COMMD10: variants seen among roughly 807,000 people sequenced by gnomAD.
The protein encoded by COMMD10 is COMM domain-containing protein 10.
A neutral mutation model predicts 28.9 loss-of-function variants in COMMD10; 33 were observed. The ratio of observed to expected loss-of-function variants is 1.14; its 90% CI spans 0.87 to 1.53. COMMD10 has a LOEUF of 1.53. Among genes scored for constraint, COMMD10 ranks in the 40% most tolerant of loss-of-function variants. The pLI is 0.00. For missense variants in COMMD10, 310 were observed against 233.4 expected, an observed-to-expected ratio of 1.33 and a Z score of -2.14; for synonymous variants, 110 against 81.7, an observed-to-expected ratio of 1.35 and a Z score of -1.87.
At chr5:116,182,982 T>C (rs901344822) in intron 5 of COMMD10, among the ~76,000 whole-genome samples, 1 of 152,150 alleles carries the variant, frequency 6.6e-6, no homozygotes, top group African/African-American at 2.4e-5. Context: ...AGGTGCCTGC[T>C]TCTCCTTTGC....
chr5:116,168,582 A>C (rs1753211430), intron 5 of COMMD10, among the ~76,000 whole-genome samples: 1 of 152,176 alleles, frequency 6.6e-6, no homozygotes, highest in Non-Finnish European at 1.5e-5. Context: ...ACATAATTGG[A>C]AGTAAAACAG....
At chr5:116,218,242 C>G (rs945886615) in intron 5 of COMMD10, 3 of 750,488 alleles carry the variant, frequency 4.0e-6, no homozygotes, top group Admixed American at 3.5e-5. Context: ...GTGGTTCGTC[C>G]TTTACCTTGG....
chr5:116,138,625 T>C (rs1752104906), intron 5 of COMMD10, among the ~76,000 whole-genome samples: 1 of 151,788 alleles, frequency 6.6e-6, no homozygotes, highest in Admixed American at 6.6e-5. Context: ...GTGTTTCATT[T>C]TTTTTTCTTT....
At chr5:116,107,404 CT>C (rs1750877156) in intron 4 of COMMD10, among the ~76,000 whole-genome samples, 1 of 152,130 alleles carries the variant, frequency 6.6e-6, no homozygotes, top group African/African-American at 2.4e-5. Flanking sequence ...CTGATCTTGT[CT>C]TCTCACTTTA....
intron 5 of COMMD10, among the ~76,000 whole-genome samples, chr5:116,225,596 A>G (rs2112648921): frequency 6.6e-6 from 1 of 152,130 alleles, no homozygotes; most frequent in Non-Finnish European, 1.5e-5. Flanking sequence ...GTATATGCAC[A>G]GTGTGGTAGC....
At chr5:116,280,317 G>C (rs17139366) in intron 5 of COMMD10, among the ~76,000 whole-genome samples, 4,088 of 151,894 alleles carry the variant, frequency 0.027, 111 homozygotes, top group East Asian at 0.14. Flanking sequence ...ACTCTGCCTA[G>C]GATGCTTTGC....
chr5:116,167,522 C>G (rs1753166151), intron 5 of COMMD10, among the ~76,000 whole-genome samples: 1 of 152,140 alleles, frequency 6.6e-6, no homozygotes, highest in African/African-American at 2.4e-5. Flanking sequence ...TCGAGAAGAG[C>G]AACCCCAAGA....
chr5:116,147,680 G>T (rs1425807777), intron 5 of COMMD10, among the ~76,000 whole-genome samples: 2 of 151,930 alleles, frequency 1.3e-5, no homozygotes, highest in East Asian at 1.9e-4. Flanking sequence ...GAAAATGAAT[G>T]TGTAGAAAGA....
intron 5 of COMMD10, among the ~76,000 whole-genome samples, chr5:116,211,644 C>G (rs1748966556): frequency 6.6e-6 from 1 of 152,036 alleles, no homozygotes; most frequent in Admixed American, 6.6e-5. Context: ...TCTAGTAACG[C>G]TCAAATAACA....
At chr5:116,108,192 C>T (rs1750907076) in intron 4 of COMMD10, among the ~76,000 whole-genome samples, 1 of 152,226 alleles carries the variant, frequency 6.6e-6, no homozygotes, top group Non-Finnish European at 1.5e-5. Flanking sequence ...TGGATCAGAG[C>T]TTGAATGCTA....
intron 5 of COMMD10, among the ~76,000 whole-genome samples, chr5:116,286,089 G>A (rs1751211721): frequency 6.6e-6 from 1 of 151,714 alleles, no homozygotes; most frequent in South Asian, 2.1e-4. Context: ...TTTAGTCTTA[G>A]TAGGTTGTTT....
chr5:116,166,258 T>A (rs1281883310), intron 5 of COMMD10, among the ~76,000 whole-genome samples: 2 of 152,118 alleles, frequency 1.3e-5, no homozygotes, highest in African/African-American at 4.8e-5. Flanking sequence ...AAATGTACAA[T>A]GTTCCTTTTT....
chr5:116,271,733 C>G (rs1218322687), intron 5 of COMMD10, among the ~76,000 whole-genome samples: 1 of 151,884 alleles, frequency 6.6e-6, no homozygotes, highest in African/African-American at 2.4e-5. Flanking sequence ...TTCTACAAGA[C>G]TTGGCAAACT....
At chr5:116,163,421 C>T (rs1419000899) in intron 5 of COMMD10, among the ~76,000 whole-genome samples, 1 of 77,546 alleles carries the variant, frequency 1.3e-5, no homozygotes, top group African/African-American at 1.6e-4. Flanking sequence ...CCCACCTCTA[C>T]TTAAAAAAAA....
chr5:116,235,302 G>A (rs1033359639), intron 5 of COMMD10, among the ~76,000 whole-genome samples: 15 of 152,178 alleles, frequency 9.9e-5, no homozygotes, highest in African/African-American at 3.6e-4. Flanking sequence ...TATAAAAGCT[G>A]TAATTCCCTT....
At chr5:116,225,799 T>C (rs1271640150) in intron 5 of COMMD10, among the ~76,000 whole-genome samples, 1 of 151,394 alleles carries the variant, frequency 6.6e-6, no homozygotes, top group East Asian at 1.9e-4. Flanking sequence ...TCACAGATTC[T>C]AAAATCTTGT....
intron 5 of COMMD10, among the ~76,000 whole-genome samples, chr5:116,139,367 C>T (rs1752125526): frequency 1.3e-5 from 1 of 78,016 alleles, no homozygotes; most frequent in Non-Finnish European, 2.8e-5. Flanking sequence ...GGCTACATGA[C>T]ATCAATGATG....
At chr5:116,151,612 C>G (rs1177324873) in intron 5 of COMMD10, among the ~76,000 whole-genome samples, 1 of 152,116 alleles carries the variant, frequency 6.6e-6, no homozygotes, top group Non-Finnish European at 1.5e-5. Context: ...AGGAATTTAT[C>G]CATTTCTTTT....
intron 5 of COMMD10, among the ~76,000 whole-genome samples, chr5:116,240,354 G>T (rs903378594): frequency 6.6e-6 from 1 of 152,076 alleles, no homozygotes; most frequent in Admixed American, 6.5e-5. Context: ...GGAGAATACA[G>T]CAATCTCCTC....
Sources: gnomAD v4.1 joint callset for allele counts (sites outside exome capture counted in the v4.1 genomes callset) on GRCh38, gnomAD v4.1.1 for gene constraint, MANE v1.5 for transcripts, NCBI Gene and HGNC (gene_info 2026-07-23, HGNC 2026-07-21) for gene names.